The following GRIK2 variants were observed in gnomAD, a reference collection of about 807,000 sequenced individuals.
GRIK2 encodes the protein glutamate ionotropic receptor kainate type subunit 2.
GRIK2 carries 32 observed loss-of-function variants against 100.3 expected under a neutral mutation model. The observed-to-expected ratio is 0.32, with a 90% CI of 0.24 to 0.43. The LOEUF (loss-of-function observed/expected upper bound fraction) is 0.43, where lower values mean the gene tolerates loss of function less well. Among genes scored for constraint, GRIK2 ranks in the 20% least tolerant of loss-of-function variants. The pLI is 1.00. For synonymous variants in GRIK2, 417 were observed against 389.4 expected (o/e 1.07, Z -0.83); for missense variants, 843 against 1,114.9 (o/e 0.76, Z 3.47).
chr6:101,784,730 CCT>C (rs974108666), intron 7 of GRIK2, among the ~76,000 whole-genome samples: 47 of 151,652 alleles, frequency 3.1e-4, no homozygotes, highest in African/African-American at 1.1e-3. Context: ...CCCTGCTATC[CCT>C]CTCTCTCTCT....
At chr6:101,852,542 T>C (rs1247335026) in intron 10 of GRIK2, among the ~76,000 whole-genome samples, 2 of 152,180 alleles carry the variant, frequency 1.3e-5, no homozygotes, top group East Asian at 3.9e-4. Context: ...TTGGTAAGCC[T>C]GCTATGAGCC....
intron 7 of GRIK2, among the ~76,000 whole-genome samples, chr6:101,705,001 A>G (rs1773158264): frequency 7.6e-6 from 1 of 131,656 alleles, no homozygotes; most frequent in Admixed American, 7.6e-5. Context: ...ATATTATATT[A>G]CATATATTTA....
intron 7 of GRIK2, among the ~76,000 whole-genome samples, chr6:101,798,384 C>T (rs1327515613): frequency 6.6e-6 from 1 of 151,978 alleles, no homozygotes; most frequent in Non-Finnish European, 1.5e-5. Flanking sequence ...CTAGTTTTCA[C>T]TATGCATCCT....
intron 2 of GRIK2, among the ~76,000 whole-genome samples, chr6:101,539,578 TAACAGAC>T (rs199947100): frequency 2.2e-3 from 328 of 151,942 alleles, no homozygotes; most frequent in Middle Eastern, 6.8e-3. Flanking sequence ...TAGTAGTAAG[TAACAGAC>T]AATCTACATT....
In GRIK2 at chr6:101,788,189, C is replaced by T. The variant is rs115852858; in HGVS notation, c.952-11459C>T. On this transcript the variant is annotated intron_variant, in intron 7 of 16. Transcript: ENST00000369134. ...TACTTTCTGTCTATATGTGTCTTTA[C>T]GAGTGAGATGAATTTCTTTCTTTTT... Among the ~76,000 whole-genome samples the T allele has an allele frequency of 7.8e-3, 1,172 of 150,584 alleles. 14 individuals are homozygous for T. Among genetic ancestry groups the T allele is most frequent in the African/African-American group, 0.027 (1,099 of 41,046 alleles).
intron 7 of GRIK2, among the ~76,000 whole-genome samples, chr6:101,691,302 T>C (rs1772075042): frequency 6.6e-6 from 1 of 151,472 alleles, no homozygotes; most frequent in Non-Finnish European, 1.5e-5. Context: ...TACTTTTTTT[T>C]CTTTTTTTTT....
intron 2 of GRIK2, among the ~76,000 whole-genome samples, chr6:101,515,830 G>A (rs1445851246): frequency 6.6e-6 from 1 of 152,066 alleles, no homozygotes. Flanking sequence ...TTTATCAGAG[G>A]TACAGATTGT....
intron 6 of GRIK2, 114 bp from the exon 7 acceptor site, chr6:101,686,066 T>TGACA (rs1771670002): frequency 4.6e-6 from 3 of 646,570 alleles, no homozygotes; most frequent in Non-Finnish European, 8.0e-6. Flanking sequence ...TAACGTCACT[T>TGACA]GACACAAAGG....
chr6:101,506,827 G>T (rs1031919200), intron 2 of GRIK2, among the ~76,000 whole-genome samples: 1 of 152,096 alleles, frequency 6.6e-6, no homozygotes, highest in Non-Finnish European at 1.5e-5. Context: ...GATACAAAGT[G>T]AATTTTAGGG....
At chr6:101,768,105 C>T (rs908612392) in intron 7 of GRIK2, among the ~76,000 whole-genome samples, 41 of 152,096 alleles carry the variant, frequency 2.7e-4, no homozygotes, top group African/African-American at 9.7e-4. Context: ...GTGATCTACC[C>T]ATCTTGGCCT....
intron 2 of GRIK2, among the ~76,000 whole-genome samples, chr6:101,522,172 A>G (rs1179930757): frequency 1.3e-5 from 2 of 152,132 alleles, no homozygotes; most frequent in East Asian, 3.9e-4. Flanking sequence ...AATTTAAATC[A>G]TGAAGTTAAA....
At chr6:101,791,390 C>T (rs375571899) in intron 7 of GRIK2, among the ~76,000 whole-genome samples, 1 of 152,016 alleles carries the variant, frequency 6.6e-6, no homozygotes, top group Non-Finnish European at 1.5e-5. Context: ...TGTGTCCCAG[C>T]GATTCTGGTA....
chr6:102,055,674 T>A, intron 16 of GRIK2, 94 bp downstream of exon 16: 1 of 789,442 alleles, frequency 1.3e-6, no homozygotes, highest in Non-Finnish European at 2.1e-6. Flanking sequence ...CAACTAATGA[T>A]AATGCATAGA....
chr6:101,947,502 A>C (rs545503401), intron 14 of GRIK2, among the ~76,000 whole-genome samples: 101 of 152,270 alleles, frequency 6.6e-4, no homozygotes, highest in Non-Finnish European at 1.1e-3. Flanking sequence ...GTATTTTTTA[A>C]GGAGCATTAT....
intron 2 of GRIK2, among the ~76,000 whole-genome samples, chr6:101,460,029 T>A (rs867153705): frequency 4.6e-5 from 7 of 152,180 alleles, no homozygotes; most frequent in African/African-American, 1.7e-4. Flanking sequence ...TGTGCTGGGA[T>A]TATAGGCATG....
At chr6:101,905,424 C>T (rs1310171323) in intron 12 of GRIK2, among the ~76,000 whole-genome samples, 1 of 151,694 alleles carries the variant, frequency 6.6e-6, no homozygotes, top group East Asian at 1.9e-4. Context: ...TGTCGTTAGA[C>T]AAAAGCTTCA....
At chr6:102,022,965 G>A (rs1769508732) in intron 14 of GRIK2, among the ~76,000 whole-genome samples, 1 of 151,548 alleles carries the variant, frequency 6.6e-6, no homozygotes, top group African/African-American at 2.4e-5. Context: ...AAATCATCCT[G>A]TCTCAGTGTA....
At chr6:101,680,584 C>T (rs896932345) in intron 5 of GRIK2, among the ~76,000 whole-genome samples, 1 of 152,086 alleles carries the variant, frequency 6.6e-6, no homozygotes, top group Non-Finnish European at 1.5e-5. Context: ...TAGTATCTGA[C>T]AAATTTTAAG....
chr6:101,800,355 A>T (rs181114393), intron 8 of GRIK2, among the ~76,000 whole-genome samples: 67 of 151,952 alleles, frequency 4.4e-4, no homozygotes, highest in Non-Finnish European at 9.0e-4. Flanking sequence ...TAGTGAGAAA[A>T]AGTTTTTGAA....
Sources: allele counts gnomAD v4.1 joint callset (sites outside exome capture counted in the v4.1 genomes callset), GRCh38; gene constraint gnomAD v4.1.1; transcripts MANE v1.5; gene names NCBI Gene and HGNC (gene_info 2026-07-23, HGNC 2026-07-21).